Variants in REPS1 observed in about 807,000 individuals in gnomAD.
REPS1 encodes the protein ralBP1-associated Eps domain-containing protein 1.
A neutral mutation model predicts 100.9 loss-of-function variants in REPS1; 39 were observed. The ratio of observed to expected loss-of-function variants is 0.39; its 90% confidence interval spans 0.30 to 0.50. The LOEUF (loss-of-function observed/expected upper bound fraction) is 0.50, where lower values mean the gene tolerates loss of function less well. Among genes scored for constraint, REPS1 ranks in the 20% least tolerant of loss-of-function variants. The pLI is 0.86. For synonymous variants in REPS1, 324 were observed against 340.3 expected, an observed-to-expected ratio of 0.95 and a Z score of 0.53; for missense variants, 821 against 968.5, an observed-to-expected ratio of 0.85 and a Z score of 2.02.
rs1783919112 is a variant in REPS1 at position 138,964,700 on chromosome 6, TATATAA to T, written c.154-16793_154-16788del. Among the ~76,000 whole-genome samples, 3 of 152,134 alleles carry T rather than the reference TATATAA, an allele frequency of 2.0e-5. No individual in the cohort carries two copies. The South Asian group carries it at 6.2e-4, about 31-fold the overall frequency. On this transcript the variant is annotated intron_variant, in intron 1 of 19. Transcript: ENST00000450536. ...AATTTCCTTTCTATACAAGTATTAG[TATATAA>T]ATATAAAAACAGTATATTTCTCAAT... is the stretch of plus-strand genomic sequence containing the variant.
At chr6:138,956,368 A>C (rs535856609) in intron 1 of REPS1, among the ~76,000 whole-genome samples, 26 of 152,228 alleles carry the variant, frequency 1.7e-4, no homozygotes, top group Admixed American at 3.9e-4. Flanking sequence ...ACTCACCCAG[A>C]AATGCTAGGT....
At chr6:138,911,034 C>T (rs1200894631) in intron 17 of REPS1, 4 of 368,884 alleles carry the variant, frequency 1.1e-5, no homozygotes, top group African/African-American at 6.2e-5. Flanking sequence ...GAAGTTCTAC[C>T]TTATATAGTG....
rs180727608 is a variant in REPS1, at chr6:138,982,283, C to T, written c.153+5247G>A. Among the ~76,000 whole-genome samples, 247 of 152,292 alleles carry T rather than the reference C, an allele frequency of 1.6e-3. 2 individuals carry two copies. The highest frequency in any genetic ancestry group is 5.7e-3 in the African/African-American group (237 of 41,574). On this transcript the variant is annotated intron_variant, in intron 1 of 19. Transcript: ENST00000450536. ...AAAATGGTTTGTTTCACTGTTATTG[C>T]TTTTCCCCATTAAATTTATGTGTTA...
intron 19 of REPS1, among the ~76,000 whole-genome samples, chr6:138,906,312 A>G (rs965597324): frequency 5.3e-5 from 8 of 152,244 alleles, no homozygotes; most frequent in African/African-American, 1.9e-4. Context: ...AGTGGCCATA[A>G]GTTTATATCA....
intron 1 of REPS1, among the ~76,000 whole-genome samples, chr6:138,978,780 T>A (rs1784746361): frequency 6.6e-6 from 1 of 152,130 alleles, no homozygotes; most frequent in Non-Finnish European, 1.5e-5. Context: ...AGAAAACAAA[T>A]AAAAGCCATT....
chr6:138,913,366 T>C (rs558118970), intron 15 of REPS1, among the ~76,000 whole-genome samples: 23 of 152,120 alleles, frequency 1.5e-4, no homozygotes, highest in Non-Finnish European at 3.2e-4. Context: ...CTCTAAAAAG[T>C]GTGAAAACCA....
chr6:138,907,313 A>AAGTGTGTGTGTGTGC, intron 19 of REPS1, 182 bp downstream of exon 19: 1 of 132,592 alleles, frequency 7.5e-6, no homozygotes, highest in East Asian at 1.0e-4. Context: ...AAAAAAAAAA[A>AAGTGTGTGTGTGTGC]GTGTGTGTGT....
At chr6:138,918,428 A>G (rs974077065) in intron 12 of REPS1, among the ~76,000 whole-genome samples, 1 of 152,184 alleles carries the variant, frequency 6.6e-6, no homozygotes, top group Non-Finnish European at 1.5e-5. Flanking sequence ...CCCTAAACAT[A>G]TTGAGGGATG....
At position 138,907,610 on chromosome 6, in the gene REPS1, TA is replaced by T; in HGVS notation, c.2217-11del. On this transcript the variant is annotated splice_polypyrimidine_tract_variant and intron_variant, in intron 18 of 19. Coordinates refer to ENST00000450536, the MANE Select transcript of REPS1 (RefSeq NM_001286611.2). ...ATCTTTCCCAACAGATCTGAGAAGA[TA>T]AAGAAGGCAAAAAAACCCATAACCT... is the stretch of plus-strand genomic sequence containing the variant. 1 of 1,559,314 alleles carries T rather than the reference TA, an allele frequency of 6.4e-7. No homozygotes were observed.
At position 138,917,116 on chromosome 6, in the gene REPS1, TCCCACA is replaced by T. The variant is rs144070424; in HGVS notation, c.1601+433_1601+438del. 4.6e-5 allele frequency among the ~76,000 whole-genome samples: 7 copies of T among 152,302 alleles called. No individual in the cohort carries two copies. In the East Asian group the frequency reaches 1.4e-3, roughly 29 times the overall value. ...CAAATCTCTAGCCTCCTCCACCCTATCCCACACCCTTCTTGTTTGTGCCTGAAAGGT... is the reference window on the plus strand; with the variant it reads ...CAAATCTCTAGCCTCCTCCACCCTATCCCTTCTTGTTTGTGCCTGAAAGGT... On this transcript the variant is annotated intron_variant, in intron 13 of 19. Transcript: ENST00000450536.
intron 8 of REPS1, among the ~76,000 whole-genome samples, chr6:138,938,023 A>C (rs1025731481): frequency 6.6e-6 from 1 of 151,892 alleles, no homozygotes; most frequent in African/African-American, 2.4e-5. Flanking sequence ...TTTTTAAAGA[A>C]GACAAACATT....
intron 7 of REPS1, among the ~76,000 whole-genome samples, chr6:138,941,887 T>C (rs1431215697): frequency 6.6e-6 from 1 of 152,256 alleles, no homozygotes; most frequent in Admixed American, 6.5e-5. Flanking sequence ...TTTTTGTTTT[T>C]ATTTTTTTTG....
At chr6:138,944,713 T>A in intron 4 of REPS1, 91 bp from the exon 5 acceptor site, 1 of 1,250,756 alleles carries the variant, frequency 8.0e-7, no homozygotes, top group Non-Finnish European at 1.1e-6. Flanking sequence ...TGAAGAAATC[T>A]AACAATTTCC....
intron 1 of REPS1, among the ~76,000 whole-genome samples, chr6:138,979,198 C>CAAAAAA (rs1277794755): frequency 1.1e-5 from 1 of 91,796 alleles, no homozygotes; most frequent in Non-Finnish European, 2.0e-5. Flanking sequence ...AAAAAAAAAA[C>CAAAAAA]AAAAAAAAAA....
chr6:138,928,596 T>G (rs1020225280), intron 9 of REPS1: 6 of 152,198 alleles, frequency 3.9e-5, no homozygotes, highest in Admixed American at 2.0e-4. Context: ...CTACCTGAAT[T>G]TAGAAGGGAC....
At chr6:138,926,584 G>T (rs1368695774) in intron 9 of REPS1, 103 bp from the exon 10 acceptor site, 2 of 746,574 alleles carry the variant, frequency 2.7e-6, no homozygotes, top group Non-Finnish European at 2.3e-6. Context: ...ACTGCAAGTT[G>T]TGTTTCATAG....
At chr6:138,936,591 G>C (rs991073944) in intron 8 of REPS1, among the ~76,000 whole-genome samples, 7 of 143,342 alleles carry the variant, frequency 4.9e-5, no homozygotes, top group Admixed American at 6.9e-5. Context: ...CGGCAGGGTG[G>C]GGGGGGAGAC....
At chr6:138,977,069 G>A (rs890507638) in intron 1 of REPS1, among the ~76,000 whole-genome samples, 30 of 151,988 alleles carry the variant, frequency 2.0e-4, no homozygotes, top group African/African-American at 7.0e-4. Flanking sequence ...TCATAGCTTT[G>A]AGGTATAATT....
intron 1 of REPS1, among the ~76,000 whole-genome samples, chr6:138,973,685 G>C (rs765136426): frequency 6.6e-6 from 1 of 151,824 alleles, no homozygotes; most frequent in African/African-American, 2.4e-5. Context: ...TGTAATCGTA[G>C]AGAAGTTACT....
Sources: gnomAD v4.1 joint callset for allele counts (sites outside exome capture counted in the v4.1 genomes callset) on GRCh38, gnomAD v4.1.1 for gene constraint, MANE v1.5 for transcripts, NCBI Gene and HGNC (gene_info 2026-07-23, HGNC 2026-07-21) for gene names.